Variants in SNAP29 observed in about 807,000 individuals in gnomAD.
SNAP29 encodes the protein synaptosome associated protein 29.
Under a neutral mutation model 27.9 loss-of-function variants are expected in SNAP29, and 13 were observed. That is an observed-to-expected ratio of 0.47 (90% confidence interval 0.30 to 0.74). The LOEUF (loss-of-function observed/expected upper bound fraction) is 0.74, where lower values mean the gene tolerates loss of function less well. SNAP29 is among the 30% of genes least tolerant of loss of function. The pLI is 0.06. For missense variants in SNAP29, 368 were observed against 336.5 expected (o/e 1.09, Z -0.73); for synonymous variants, 119 against 127.1 (o/e 0.94, Z 0.43).
Position 20,859,017 on chromosome 22 carries a change from C to T in SNAP29, c.-94C>T, listed in dbSNP as rs899534072. 4 of 1,373,262 alleles carry T rather than the reference C, an allele frequency of 2.9e-6. No individual in the cohort carries two copies. Among genetic ancestry groups the T allele is most frequent in the Admixed American group, 2.5e-5 (1 of 40,686 alleles). The allele number at this position is 1,373,262 out of a possible 1,614,324, so 85.1% of individuals were successfully genotyped here. A position where few individuals can be genotyped will look rare whatever the true frequency, so the allele number is the denominator to read the frequency against. ...CGACGCGCGGAAGGAGTTCGCGCGA[C>T]GACCGCGGGGTCGGCGGGCGGGGCG... is the stretch of plus-strand genomic sequence containing the variant. On this transcript the variant is annotated 5_prime_UTR_variant, in exon 1 of 5. The change creates a new upstream start codon in the 5' untranslated region. Coordinates refer to ENST00000215730, the MANE Select transcript of SNAP29 (RefSeq NM_004782.4).
Position 20,888,310 on chromosome 22 carries a change from T to TACACACAC in SNAP29, c.*474_*475insACACACAC, listed in dbSNP as rs1929068802. 5.5e-6 allele frequency: 1 copy of TACACACAC among 182,428 alleles called. No homozygotes were observed. The highest frequency in any genetic ancestry group is 5.1e-5 in the African/African-American group (1 of 19,452). The allele number at this position is 182,428 out of a possible 1,614,324, so 11.3% of individuals were successfully genotyped here. On this transcript the variant is annotated 3_prime_UTR_variant, in exon 5 of 5. Transcript: ENST00000215730. ...CCACACCTTTGTTTAGGAGTCATCATTCACACACACACACACACACACACA... is the reference window on the plus strand; with the variant it reads ...CCACACCTTTGTTTAGGAGTCATCATACACACACTCACACACACACACACACACACACA...
intron 1 of SNAP29, among the ~76,000 whole-genome samples, chr22:20,862,633 A>G (rs1928352877): frequency 6.6e-6 from 1 of 152,150 alleles, no homozygotes. Flanking sequence ...AGGTCTTTCT[A>G]TGCAGTGGGG....
intron 1 of SNAP29, among the ~76,000 whole-genome samples, chr22:20,866,330 G>A (rs1008633050): frequency 9.2e-5 from 14 of 152,226 alleles, no homozygotes; most frequent in African/African-American, 7.2e-5. Flanking sequence ...GGGTGCTCAC[G>A]TATCCCTGCC....
Position 20,865,440 on chromosome 22 carries a change from G to A in SNAP29, c.238-4897G>A, listed in dbSNP as rs535836914. On this transcript the variant is annotated intron_variant, in intron 1 of 4. Coordinates refer to ENST00000215730, the MANE Select transcript of SNAP29 (RefSeq NM_004782.4). ...CAGGATGCCTTCTGAGGATGGGCTG[G>A]TTGTTCGAGCTTCTGGCTTCTCCTT... Among the ~76,000 whole-genome samples, 5 of 152,266 alleles carry A rather than the reference G, an allele frequency of 3.3e-5. No individual in the cohort carries two copies. The South Asian group carries it at 1.0e-3, about 32-fold the overall frequency.
chr22:20,881,140 TG>T lies in SNAP29; in HGVS notation c.520+8del. 1 of 1,568,584 alleles carries T rather than the reference TG, an allele frequency of 6.4e-7. No individual in the cohort carries two copies. Among genetic ancestry groups the T allele is most frequent in the Non-Finnish European group, 8.8e-7 (1 of 1,138,624 alleles). On this transcript the variant is annotated splice_region_variant and intron_variant, in intron 3 of 4. Coordinates refer to ENST00000215730, the MANE Select transcript of SNAP29 (RefSeq NM_004782.4). ...TAGAAAGCTGGATGATACAGGTAAG[TG>T]GATACCTGTGTGCACAGCCACATTT... is the stretch of plus-strand genomic sequence containing the variant.
intron 2 of SNAP29, chr22:20,871,061 C>A (rs1331487339): frequency 5.5e-6 from 1 of 182,134 alleles, no homozygotes; most frequent in Admixed American, 5.6e-5. Context: ...GCCTGGAGAT[C>A]AAGGCTGCAG....
chr22:20,879,590 A>G (rs1047950088), intron 2 of SNAP29, among the ~76,000 whole-genome samples: 1 of 151,996 alleles, frequency 6.6e-6, no homozygotes, highest in Non-Finnish European at 1.5e-5. Context: ...TTATGCCTGT[A>G]ATCCCAGAAC....
intron 1 of SNAP29, among the ~76,000 whole-genome samples, chr22:20,861,935 T>C (rs1315603266): frequency 6.6e-6 from 1 of 152,172 alleles, no homozygotes; most frequent in Non-Finnish European, 1.5e-5. Context: ...ACCTGGCCTC[T>C]GATTTTTGTA....
intron 1 of SNAP29, among the ~76,000 whole-genome samples, chr22:20,860,127 G>T (rs1049111092): frequency 6.6e-6 from 1 of 151,622 alleles, no homozygotes. Flanking sequence ...CTAGGCGTCG[G>T]ATCGCCTGAG....
intron 4 of SNAP29, 112 bp from the exon 5 acceptor site, chr22:20,887,566 TC>T (rs1929048376): frequency 9.1e-7 from 1 of 1,098,046 alleles, no homozygotes. Context: ...GTGGGTGCAG[TC>T]CCCCCAGGCA....
At chr22:20,878,774 T>C (rs1303990547) in intron 2 of SNAP29, among the ~76,000 whole-genome samples, 1 of 152,134 alleles carries the variant, frequency 6.6e-6, no homozygotes, top group Non-Finnish European at 1.5e-5. Context: ...GAGAGCAGGC[T>C]GTTGGGGAGG....
At chr22:20,869,464 A>G (rs576876965) in intron 1 of SNAP29, among the ~76,000 whole-genome samples, 124 of 152,312 alleles carry the variant, frequency 8.1e-4, no homozygotes, top group Non-Finnish European at 1.6e-3. Context: ...GCCCTGGGAC[A>G]GGGTCACCCG....
chr22:20,865,611 A>T (rs1264981387), intron 1 of SNAP29, among the ~76,000 whole-genome samples: 1 of 152,118 alleles, frequency 6.6e-6, no homozygotes, highest in African/African-American at 2.4e-5. Flanking sequence ...TGTTGTAGGG[A>T]GGTGTTTGGG....
chr22:20,876,091 G>A (rs1281596171), intron 2 of SNAP29, among the ~76,000 whole-genome samples: 1 of 151,522 alleles, frequency 6.6e-6, no homozygotes, highest in East Asian at 2.0e-4. Flanking sequence ...AACCCGGGAG[G>A]TGGAGGTTGC....
chr22:20,888,068 T>C lies in SNAP29; in HGVS notation c.*232T>C, dbSNP rs1929062813. On this transcript the variant is annotated 3_prime_UTR_variant, in exon 5 of 5. Coordinates refer to ENST00000215730, the MANE Select transcript of SNAP29 (RefSeq NM_004782.4). ...AGCAAAATGCTTATTAGAGTTTTTG[T>C]CTGAGCACAGTAGCCTGGCCCTGCA... The C allele has an allele frequency of 1.9e-6, 1 of 532,500 alleles. No homozygotes were observed. Among genetic ancestry groups the C allele is most frequent in the Non-Finnish European group, 3.4e-6 (1 of 296,066 alleles). The allele number at this position is 532,500 out of a possible 1,614,324, so 33.0% of individuals were successfully genotyped here.
chr22:20,860,420 G>C, intron 1 of SNAP29, among the ~76,000 whole-genome samples: 1 of 149,428 alleles, frequency 6.7e-6, no homozygotes, highest in Middle Eastern at 3.5e-3. Context: ...CCCTTGCTTG[G>C]GTACAGTGGC....
intron 4 of SNAP29, among the ~76,000 whole-genome samples, chr22:20,886,998 C>T (rs575131658): frequency 3.3e-5 from 5 of 152,028 alleles, no homozygotes; most frequent in South Asian, 2.1e-4. Flanking sequence ...CCAAGACGGG[C>T]GGATCACAAG....
rs143059069 is a variant in SNAP29 at position 20,883,357 on chromosome 22, C to G, written c.521-114C>G. On this transcript the variant is annotated intron_variant, in intron 3 of 4. Coordinates refer to ENST00000215730, the MANE Select transcript of SNAP29 (RefSeq NM_004782.4). ...CTCATCCCTCTGGATAGCCTCAGAA[C>G]CAACCCCTTCGTTCCTTCCACCCAT... is the stretch of plus-strand genomic sequence containing the variant. 36 of 741,404 alleles carry G rather than the reference C, an allele frequency of 4.9e-5. No homozygotes were observed. In the East Asian group the frequency reaches 9.4e-4, roughly 19 times the overall value. The allele number at this position is 741,404 out of a possible 1,614,324, so 45.9% of individuals were successfully genotyped here.
intron 1 of SNAP29, among the ~76,000 whole-genome samples, chr22:20,863,972 A>G (rs1928397943): frequency 6.6e-6 from 1 of 152,106 alleles, no homozygotes; most frequent in African/African-American, 2.4e-5. Flanking sequence ...GTTGTATTCC[A>G]TTGAACAAAT....
Sources: gnomAD v4.1 joint callset for allele counts (sites outside exome capture counted in the v4.1 genomes callset) on GRCh38, gnomAD v4.1.1 for gene constraint, MANE v1.5 for transcripts, NCBI Gene and HGNC (gene_info 2026-07-23, HGNC 2026-07-21) for gene names.